The following DESI2 variants were observed in gnomAD, a reference collection of about 807,000 sequenced individuals.
DESI2 encodes deubiquitinase DESI2.
Under a neutral mutation model 24.1 loss-of-function variants are expected in DESI2, and 10 were observed. The observed-to-expected ratio is 0.41, with a 90% CI of 0.26 to 0.70. The LOEUF is 0.70. Among genes scored for constraint, DESI2 ranks in the 30% least tolerant of loss-of-function variants. DESI2 has a pLI of 0.29. For synonymous variants in DESI2, 71 were observed against 87.7 expected (o/e 0.81, Z 1.06); for missense variants, 122 against 234.9 (o/e 0.52, Z 3.14).
intron 4 of DESI2, among the ~76,000 whole-genome samples, chr1:244,701,738 C>T (rs1471553317): frequency 6.6e-6 from 1 of 152,156 alleles, no homozygotes; most frequent in African/African-American, 2.4e-5. Flanking sequence ...ATGCTTTTCT[C>T]CATTTTGCTT....
intron 4 of DESI2, among the ~76,000 whole-genome samples, chr1:244,696,833 T>G (rs1677234126): frequency 6.6e-6 from 1 of 152,158 alleles, no homozygotes; most frequent in Non-Finnish European, 1.5e-5. Flanking sequence ...TACAACTAAT[T>G]TGGTTTATGC....
intron 4 of DESI2, among the ~76,000 whole-genome samples, chr1:244,701,207 TCCCCTCCACCCCC>T (rs1469234765): frequency 4.5e-4 from 18 of 39,618 alleles, no homozygotes; most frequent in African/African-American, 4.0e-3. Context: ...TGGACCACCT[TCCCCTCCACCCCC>T]CCCCCCCCCC....
chr1:244,707,596 C>T lies in DESI2; in HGVS notation c.*1807C>T, dbSNP rs962919455. On this transcript the variant is annotated 3_prime_UTR_variant, in exon 5 of 5. Coordinates refer to ENST00000302550, the MANE Select transcript of DESI2 (RefSeq NM_016076.5). ...TCACTAAAAAGAGAGAGTCCTGTCCCCAGACGGTTAGTACAAAGCCTTGGA... is the reference window on the plus strand; with the variant it reads ...TCACTAAAAAGAGAGAGTCCTGTCCTCAGACGGTTAGTACAAAGCCTTGGA... 2.0e-5 allele frequency: 3 copies of T among 152,378 alleles called. No individual in the cohort carries two copies. The highest frequency in any genetic ancestry group is 7.2e-5 in the African/African-American group (3 of 41,458). The allele number at this position is 152,378 out of a possible 1,614,324, so 9.4% of individuals were successfully genotyped here. A position where few individuals can be genotyped will look rare whatever the true frequency, so the allele number is the denominator to read the frequency against.
At position 244,682,823 on chromosome 1, in the gene DESI2, C is replaced by G. The variant is rs556155159; in HGVS notation, c.43-3774C>G. ...GCTGTAAGATGTAGATACAGACATTCTCATACAAAAGCATGTATATAGTGT... is the reference window on the plus strand; with the variant it reads ...GCTGTAAGATGTAGATACAGACATTGTCATACAAAAGCATGTATATAGTGT... On this transcript the variant is annotated intron_variant, in intron 1 of 4. Coordinates refer to ENST00000302550, the MANE Select transcript of DESI2 (RefSeq NM_016076.5). Among the ~76,000 whole-genome samples, 13 of 150,190 alleles carry G rather than the reference C, an allele frequency of 8.7e-5. No homozygotes were observed. In the East Asian group the frequency reaches 2.5e-3, roughly 29 times the overall value.
intron 1 of DESI2, among the ~76,000 whole-genome samples, chr1:244,678,849 G>A (rs1314127247): frequency 4.6e-5 from 7 of 152,120 alleles, no homozygotes; most frequent in Non-Finnish European, 7.4e-5. Flanking sequence ...TGGTGCTGTC[G>A]TTAAGGAAAT....
intron 1 of DESI2, among the ~76,000 whole-genome samples, chr1:244,670,816 C>A (rs1460826304): frequency 6.6e-6 from 1 of 152,250 alleles, no homozygotes; most frequent in Non-Finnish European, 1.5e-5. Flanking sequence ...GCACATAGGT[C>A]TCCCAACTCA....
intron 1 of DESI2, among the ~76,000 whole-genome samples, chr1:244,654,285 G>A (rs1675572420): frequency 6.6e-6 from 1 of 152,218 alleles, no homozygotes; most frequent in Non-Finnish European, 1.5e-5. Context: ...TCTGACTGCA[G>A]TGCTTAAAAT....
intron 4 of DESI2, 31 bp from the exon 5 acceptor site, chr1:244,705,525 T>C: frequency 6.3e-7 from 1 of 1,594,100 alleles, no homozygotes; most frequent in Non-Finnish European, 8.6e-7. Context: ...TAACCTCTCT[T>C]ACCTAATACA....
chr1:244,688,510 T>A (rs1676899770), intron 2 of DESI2, among the ~76,000 whole-genome samples: 1 of 152,340 alleles, frequency 6.6e-6, no homozygotes, highest in East Asian at 1.9e-4. Flanking sequence ...TTGGAATTCT[T>A]TAAATTTGTC....
chr1:244,655,464 T>C (rs1675614091), intron 1 of DESI2, among the ~76,000 whole-genome samples: 1 of 152,232 alleles, frequency 6.6e-6, no homozygotes. Context: ...TTTGAGTGTT[T>C]TATGTCACTA....
intron 1 of DESI2, among the ~76,000 whole-genome samples, chr1:244,679,147 A>G (rs774255541): frequency 7.2e-5 from 11 of 152,052 alleles, no homozygotes; most frequent in East Asian, 1.9e-4. Flanking sequence ...CAGGTAATCA[A>G]TCCTCCCATG....
intron 4 of DESI2, among the ~76,000 whole-genome samples, chr1:244,699,004 G>T (rs1677332588): frequency 1.3e-5 from 2 of 152,172 alleles, no homozygotes; most frequent in African/African-American, 4.8e-5. Context: ...AAGTTTCACT[G>T]TGTTTACTTG....
At chr1:244,684,066 C>G (rs1414499972) in intron 1 of DESI2, among the ~76,000 whole-genome samples, 1 of 151,974 alleles carries the variant, frequency 6.6e-6, no homozygotes, top group Non-Finnish European at 1.5e-5. Flanking sequence ...GTTTATGTAA[C>G]TAGGACCCTA....
At chr1:244,683,343 G>T (rs984203224) in intron 1 of DESI2, among the ~76,000 whole-genome samples, 1 of 151,512 alleles carries the variant, frequency 6.6e-6, no homozygotes, top group East Asian at 1.9e-4. Flanking sequence ...ACAGAGTCTC[G>T]CTCTGTCGCC....
In DESI2 at chr1:244,705,833, A is replaced by G; in HGVS notation, c.*44A>G. ...ATTCAGAACTGTCTCTGGCAGTCGA[A>G]TATCACTAGAGAAAAGTAAACAGAG... is the stretch of plus-strand genomic sequence containing the variant. On this transcript the variant is annotated 3_prime_UTR_variant, in exon 5 of 5. Coordinates refer to ENST00000302550, the MANE Select transcript of DESI2 (RefSeq NM_016076.5). 3 of 1,385,460 alleles carry G rather than the reference A, an allele frequency of 2.2e-6. No homozygotes were observed. Among genetic ancestry groups the G allele is most frequent in the Non-Finnish European group, 3.0e-6 (3 of 996,910 alleles). The allele number at this position is 1,385,460 out of a possible 1,614,324, so 85.8% of individuals were successfully genotyped here. A position where few individuals can be genotyped will look rare whatever the true frequency, so the allele number is the denominator to read the frequency against.
intron 1 of DESI2, chr1:244,653,726 C>T (rs937556127): frequency 1.4e-5 from 5 of 366,402 alleles, no homozygotes; most frequent in East Asian, 7.3e-5. Context: ...GCCCCGGGAC[C>T]CCCGTCCCGA....
chr1:244,704,347 G>A (rs535255135), intron 4 of DESI2, among the ~76,000 whole-genome samples: 4 of 152,232 alleles, frequency 2.6e-5, no homozygotes, highest in Middle Eastern at 3.4e-3. Flanking sequence ...GGGCATGAAC[G>A]GCAGCCCAGT....
chr1:244,688,942 C>T (rs1455944268), intron 2 of DESI2, among the ~76,000 whole-genome samples: 1 of 152,184 alleles, frequency 6.6e-6, no homozygotes, highest in Non-Finnish European at 1.5e-5. Flanking sequence ...CCTAGACTGG[C>T]ATGATATAGA....
chr1:244,690,475 G>A (rs1030639717), intron 3 of DESI2, among the ~76,000 whole-genome samples: 8 of 152,188 alleles, frequency 5.3e-5, no homozygotes, highest in Non-Finnish European at 1.2e-4. Flanking sequence ...GGAGGCCAAG[G>A]CAGGCGGATC....
Sources: allele counts gnomAD v4.1 joint callset (sites outside exome capture counted in the v4.1 genomes callset), GRCh38; gene constraint gnomAD v4.1.1; transcripts MANE v1.5; gene names NCBI Gene and HGNC (gene_info 2026-07-23, HGNC 2026-07-21).